SPATA16: variants seen among roughly 807,000 people sequenced by gnomAD.
SPATA16 encodes spermatogenesis-associated protein 16.
A neutral mutation model predicts 63.3 loss-of-function variants in SPATA16; 36 were observed. The observed-to-expected ratio is 0.57, with a 90% CI of 0.44 to 0.75. The LOEUF (loss-of-function observed/expected upper bound fraction) is 0.75, where lower values mean the gene tolerates loss of function less well. Ranked by LOEUF, SPATA16 falls within the 30% of genes least tolerant of loss-of-function variation. The probability of loss-of-function intolerance (pLI) is 0.00; values close to 1 mark genes in which losing one functional copy is unlikely to be tolerated. For synonymous variants in SPATA16, 203 were observed against 216.7 expected, an observed-to-expected ratio of 0.94 and a Z score of 0.56; for missense variants, 646 against 679.3, an observed-to-expected ratio of 0.95 and a Z score of 0.54.
intron 1 of SPATA16, among the ~76,000 whole-genome samples, chr3:173,129,637 G>T (rs77078647): frequency 0.11 from 16,359 of 151,692 alleles, 1,122 homozygotes; most frequent in East Asian, 0.31. Flanking sequence ...AATTATTGAT[G>T]ACTTGTTTTA....
At chr3:173,020,923 T>C (rs369639403) in intron 3 of SPATA16, among the ~76,000 whole-genome samples, 72 of 152,330 alleles carry the variant, frequency 4.7e-4, no homozygotes, top group African/African-American at 1.6e-3. Context: ...CTTAACCTTT[T>C]TTTGAGAGGT....
At chr3:172,949,898 TTG>T (rs1229172879) in intron 6 of SPATA16, among the ~76,000 whole-genome samples, 5 of 152,238 alleles carry the variant, frequency 3.3e-5, no homozygotes, top group African/African-American at 4.8e-5. Context: ...ATGTGAATGT[TTG>T]TGTTTATGTA....
intron 2 of SPATA16, among the ~76,000 whole-genome samples, chr3:173,095,173 G>T (rs1167038007): frequency 6.6e-6 from 1 of 152,044 alleles, no homozygotes; most frequent in East Asian, 1.9e-4. Flanking sequence ...TGAGGCTAAT[G>T]GTCGACCTAC....
At chr3:172,978,155 C>CTATATA (rs1307939428) in intron 4 of SPATA16, among the ~76,000 whole-genome samples, 9 of 148,970 alleles carry the variant, frequency 6.0e-5, no homozygotes, top group African/African-American at 2.0e-4. Context: ...CTCTCTCTCT[C>CTATATA]TCTCTCTATA....
chr3:172,931,426 TTAGTAG>T (rs1732870298), intron 6 of SPATA16, among the ~76,000 whole-genome samples: 1 of 152,106 alleles, frequency 6.6e-6, no homozygotes, highest in African/African-American at 2.4e-5. Context: ...TGTTTAATTT[TTAGTAG>T]AGATGGGGTC....
intron 3 of SPATA16, among the ~76,000 whole-genome samples, chr3:173,029,425 G>C (rs919868323): frequency 5.1e-4 from 59 of 115,384 alleles, no homozygotes; most frequent in African/African-American, 2.4e-3. Context: ...TTGTTTGTTT[G>C]TTTTGTTGTT....
At chr3:172,934,475 T>A (rs1381454465) in intron 6 of SPATA16, among the ~76,000 whole-genome samples, 1 of 152,170 alleles carries the variant, frequency 6.6e-6, no homozygotes, top group Non-Finnish European at 1.5e-5. Flanking sequence ...GTAAAGAGGA[T>A]CGAATATGTC....
Position 172,916,386 on chromosome 3 carries a change from A to C in SPATA16, c.1434T>G (p.Ile478Met). ...LQRVKEQSQV[I>M]NQAMAELATI... is the part of the protein sequence containing the mutation. Reference sequence around the variant, plus strand: ...TTGCTAGCTCTGCCATTGCTTGATTAATCACCTGGGACTGCTCCTTTACTC... The same window carrying C: ...TTGCTAGCTCTGCCATTGCTTGATTCATCACCTGGGACTGCTCCTTTACTC... Residue 478 changes from isoleucine (I) to methionine (M), a missense_variant, in exon 9 of 11, where the codon ATT becomes ATG. Coordinates refer to ENST00000351008, the MANE Select transcript of SPATA16 (RefSeq NM_031955.6). 1 of 1,613,860 alleles carries C rather than the reference A, an allele frequency of 6.2e-7. No homozygotes were observed. Among genetic ancestry groups the C allele is most frequent in the Non-Finnish European group, 8.5e-7 (1 of 1,179,788 alleles).
chr3:172,954,053 C>T (rs1733513664), intron 6 of SPATA16, among the ~76,000 whole-genome samples: 1 of 152,164 alleles, frequency 6.6e-6, no homozygotes, highest in Admixed American at 6.5e-5. Flanking sequence ...AATAAATTTT[C>T]ATCAGGATAG....
chr3:172,952,795 C>G (rs1243071671), intron 6 of SPATA16, among the ~76,000 whole-genome samples: 5 of 151,994 alleles, frequency 3.3e-5, no homozygotes, highest in Admixed American at 3.3e-4. Flanking sequence ...CAAAAATTAA[C>G]TAGGCATGGT....
chr3:172,987,756 TAA>T (rs1280727732), intron 4 of SPATA16, among the ~76,000 whole-genome samples: 3 of 152,168 alleles, frequency 2.0e-5, no homozygotes, highest in Non-Finnish European at 2.9e-5. Context: ...CAGTTGGAAA[TAA>T]GAGTACTTAG....
At chr3:172,890,366 C>A (rs888022084) in intron 10 of SPATA16, among the ~76,000 whole-genome samples, 2 of 148,490 alleles carry the variant, frequency 1.3e-5, no homozygotes, top group African/African-American at 2.4e-5. Context: ...TCAGAAAAAA[C>A]TATAGAATAA....
intron 6 of SPATA16, among the ~76,000 whole-genome samples, chr3:172,928,049 A>G (rs1732781588): frequency 6.6e-6 from 1 of 152,062 alleles, no homozygotes; most frequent in South Asian, 2.1e-4. Flanking sequence ...AGCTAGGATT[A>G]CAGGCACGCG....
intron 2 of SPATA16, among the ~76,000 whole-genome samples, chr3:173,086,524 G>A (rs1473489755): frequency 6.6e-6 from 1 of 151,958 alleles, no homozygotes; most frequent in African/African-American, 2.4e-5. Context: ...GGTTTTTCAT[G>A]TCTCTATATC....
At chr3:173,103,859 G>A (rs1737556060) in intron 2 of SPATA16, among the ~76,000 whole-genome samples, 1 of 152,182 alleles carries the variant, frequency 6.6e-6, no homozygotes, top group Non-Finnish European at 1.5e-5. Context: ...TCTGCCACAT[G>A]GCCAAGCTGC....
intron 4 of SPATA16, among the ~76,000 whole-genome samples, chr3:173,001,812 T>A (rs1209862122): frequency 6.6e-6 from 1 of 152,162 alleles, no homozygotes; most frequent in Non-Finnish European, 1.5e-5. Context: ...TAGATGTTGA[T>A]TTTTTCTGTT....
At chr3:173,011,968 C>A (rs953307194) in intron 4 of SPATA16, among the ~76,000 whole-genome samples, 1 of 152,020 alleles carries the variant, frequency 6.6e-6, no homozygotes, top group Non-Finnish European at 1.5e-5. Flanking sequence ...TGTGTGCCAC[C>A]ATGCCCAGCT....
intron 2 of SPATA16, among the ~76,000 whole-genome samples, chr3:173,063,025 T>C (rs373471455): frequency 1.1e-4 from 16 of 152,222 alleles, no homozygotes; most frequent in South Asian, 6.2e-4. Context: ...CAGGCCACGA[T>C]TGGGGACCCC....
intron 1 of SPATA16, among the ~76,000 whole-genome samples, chr3:173,118,191 G>A (rs1041189046): frequency 6.6e-6 from 1 of 152,164 alleles, no homozygotes; most frequent in Non-Finnish European, 1.5e-5. Flanking sequence ...GGAGTCTAAA[G>A]AAACCCCAGC....
Sources: gnomAD v4.1 joint callset for allele counts (sites outside exome capture counted in the v4.1 genomes callset) on GRCh38, gnomAD v4.1.1 for gene constraint, MANE v1.5 for transcripts, NCBI Gene and HGNC (gene_info 2026-07-23, HGNC 2026-07-21) for gene names.